The following FGF12 variants were observed in gnomAD, a reference collection of about 807,000 sequenced individuals.
The protein encoded by FGF12 is fibroblast growth factor 12.
Under a neutral mutation model 23.6 loss-of-function variants are expected in FGF12, and 14 were observed. The ratio of observed to expected loss-of-function variants is 0.59; its 90% CI spans 0.39 to 0.93. The LOEUF is 0.93. Ranked by LOEUF, FGF12 falls within the 40% of genes least tolerant of loss-of-function variation. The pLI is 0.00. For missense variants in FGF12, 175 were observed against 217.8 expected, an observed-to-expected ratio of 0.80 and a Z score of 1.24; for synonymous variants, 62 against 77.3, an observed-to-expected ratio of 0.80 and a Z score of 1.04.
chr3:192,661,725 A>C (rs1716678933), intron 2 of FGF12, among the ~76,000 whole-genome samples: 1 of 152,234 alleles, frequency 6.6e-6, no homozygotes, highest in South Asian at 2.1e-4. Context: ...GACTGACTAG[A>C]GTCTGAGATT....
At chr3:192,367,508 G>A (rs1719036223) in intron 2 of FGF12, among the ~76,000 whole-genome samples, 2 of 152,268 alleles carry the variant, frequency 1.3e-5, no homozygotes, top group Admixed American at 1.3e-4. Flanking sequence ...AAAGGGTATA[G>A]ACTAGGGCAT....
intron 2 of FGF12, among the ~76,000 whole-genome samples, chr3:192,363,758 A>G (rs1379751633): frequency 6.6e-6 from 1 of 152,032 alleles, no homozygotes; most frequent in Non-Finnish European, 1.5e-5. Context: ...GAGGAAAACC[A>G]GAACATGTTT....
chr3:192,362,262 A>G (rs1438335339), intron 2 of FGF12, among the ~76,000 whole-genome samples: 1 of 152,180 alleles, frequency 6.6e-6, no homozygotes, highest in Admixed American at 6.5e-5. Flanking sequence ...TTATACTTTT[A>G]GTTCTAGGGT....
chr3:192,407,241 C>G (rs1720990440), intron 2 of FGF12, among the ~76,000 whole-genome samples: 1 of 152,192 alleles, frequency 6.6e-6, no homozygotes, highest in African/African-American at 2.4e-5. Flanking sequence ...AATCTCTGAT[C>G]AAGCTGAAGT....
intron 2 of FGF12, among the ~76,000 whole-genome samples, chr3:192,513,153 T>C (rs1724545713): frequency 2.0e-5 from 3 of 152,044 alleles, no homozygotes. Context: ...ACCCAAGTTA[T>C]GATCTATTCA....
intron 2 of FGF12, among the ~76,000 whole-genome samples, chr3:192,440,742 A>C (rs773592277): frequency 6.6e-6 from 1 of 152,200 alleles, no homozygotes; most frequent in Non-Finnish European, 1.5e-5. Flanking sequence ...TCACTCAACA[A>C]ATTGAAAGTA....
At chr3:192,286,551 T>C (rs1467925041) in intron 4 of FGF12, among the ~76,000 whole-genome samples, 1 of 151,988 alleles carries the variant, frequency 6.6e-6, no homozygotes, top group Non-Finnish European at 1.5e-5. Flanking sequence ...AAATGGTAGA[T>C]ACAGAGGTTT....
At chr3:192,226,487 T>A (rs1250072916) in intron 4 of FGF12, among the ~76,000 whole-genome samples, 12 of 152,194 alleles carry the variant, frequency 7.9e-5, no homozygotes, top group Non-Finnish European at 2.9e-5. Flanking sequence ...CATTAATAAG[T>A]AAGCACACAT....
rs1448448218 is a variant in FGF12, at chr3:192,640,894, C to A, written c.13+86287G>T. Among the ~76,000 whole-genome samples the A allele has an allele frequency of 2.0e-5, 3 of 151,794 alleles. No homozygotes were observed. In the East Asian group the frequency reaches 5.8e-4, roughly 29 times the overall value. On this transcript the variant is annotated intron_variant, in intron 2 of 5. Coordinates refer to ENST00000445105, the MANE Select transcript of FGF12 (RefSeq NM_004113.6). The stretch of plus-strand genomic sequence containing the variant: ...GTGTCCCGATCATGGCTCACTGCCC[C>A]CTCAATCTCCTGGCCTTCAGAGATC...
chr3:192,307,186 G>T (rs1235994310), intron 4 of FGF12, among the ~76,000 whole-genome samples: 1 of 152,168 alleles, frequency 6.6e-6, no homozygotes, highest in African/African-American at 2.4e-5. Flanking sequence ...GATAATGATT[G>T]AGGTAAGAAA....
chr3:192,685,897 C>T (rs1213630180), intron 2 of FGF12, among the ~76,000 whole-genome samples: 1 of 152,162 alleles, frequency 6.6e-6, no homozygotes, highest in Non-Finnish European at 1.5e-5. Context: ...GAAAAGCTTA[C>T]AGTATATTTC....
intron 2 of FGF12, among the ~76,000 whole-genome samples, chr3:192,387,855 C>A (rs1720114386): frequency 6.6e-6 from 1 of 151,952 alleles, no homozygotes; most frequent in African/African-American, 2.4e-5. Context: ...CCACTGCACT[C>A]CAGCCTGGGT....
At chr3:192,275,983 A>T (rs930487313) in intron 4 of FGF12, among the ~76,000 whole-genome samples, 6 of 152,202 alleles carry the variant, frequency 3.9e-5, no homozygotes, top group Non-Finnish European at 7.3e-5. Flanking sequence ...AGCATCTTGT[A>T]TGTATCACAA....
rs1721105170 is a variant in FGF12, at chr3:192,409,384, G to T, written c.14-48846C>A. On this transcript the variant is annotated intron_variant, in intron 2 of 5. Transcript: ENST00000445105. The surrounding 1 kb of genome is among the most constrained non-coding windows in gnomAD (Gnocchi z 4.8). Reference sequence around the variant, plus strand: ...GGGCCGCCGCACCGAGCTGGTCTCCGCACAGGCTCAGAGGGAGCGAGGGAA... The same window carrying T: ...GGGCCGCCGCACCGAGCTGGTCTCCTCACAGGCTCAGAGGGAGCGAGGGAA... Among the ~76,000 whole-genome samples, 1 of 152,126 alleles carries T rather than the reference G, an allele frequency of 6.6e-6. No homozygotes were observed. The highest frequency in any genetic ancestry group is 6.5e-5 in the Admixed American group (1 of 15,286).
intron 3 of FGF12, among the ~76,000 whole-genome samples, chr3:192,352,351 G>A (rs909658269): frequency 6.6e-6 from 1 of 152,190 alleles, no homozygotes; most frequent in African/African-American, 2.4e-5. Flanking sequence ...AGAATAATCT[G>A]GATGGCTTGT....
chr3:192,154,884 T>C (rs542537724), intron 5 of FGF12, among the ~76,000 whole-genome samples: 10,284 of 121,618 alleles, frequency 0.085, 540 homozygotes, highest in Middle Eastern at 0.15. Context: ...TAAACAAGCC[T>C]GGGCAATGGC....
At chr3:192,251,800 G>T (rs1193805791) in intron 4 of FGF12, among the ~76,000 whole-genome samples, 2 of 152,060 alleles carry the variant, frequency 1.3e-5, no homozygotes, top group African/African-American at 4.8e-5. Flanking sequence ...AAAAAAATAG[G>T]TGTAGAAAAC....
chr3:192,360,258 C>T lies in FGF12; in HGVS notation c.124+170G>A, dbSNP rs949116461. 2.0e-5 allele frequency among the ~76,000 whole-genome samples: 3 copies of T among 152,088 alleles called. No homozygotes were observed. Among genetic ancestry groups the T allele is most frequent in the Admixed American group, 6.6e-5 (1 of 15,258 alleles). On this transcript the variant is annotated intron_variant, in intron 3 of 5. Transcript: ENST00000445105. This position sits in a 1 kb window ranked among gnomAD's most constrained non-coding sequence, Gnocchi z 4.3. ...TAACCTCTCTCCTATACTGTCTTTGCTGTAGGAAATCATAGCAAGAAGGAT... is the reference window on the plus strand; with the variant it reads ...TAACCTCTCTCCTATACTGTCTTTGTTGTAGGAAATCATAGCAAGAAGGAT...
At chr3:192,262,874 T>TACAC (rs368622682) in intron 4 of FGF12, among the ~76,000 whole-genome samples, 2 of 150,432 alleles carry the variant, frequency 1.3e-5, no homozygotes, top group Non-Finnish European at 3.0e-5. Flanking sequence ...TACTCCCCCA[T>TACAC]ACACACACAC....
Sources: allele counts gnomAD v4.1 joint callset (sites outside exome capture counted in the v4.1 genomes callset), GRCh38; gene constraint gnomAD v4.1.1; non-coding constraint Gnocchi (gnomAD v3.1); transcripts MANE v1.5; gene names NCBI Gene and HGNC (gene_info 2026-07-23, HGNC 2026-07-21).